Variants in FAM193A observed in about 807,000 individuals in gnomAD.
FAM193A encodes protein FAM193A.
FAM193A carries 22 observed loss-of-function variants against 126.5 expected under a neutral mutation model. The observed-to-expected ratio is 0.17, with a 90% CI of 0.12 to 0.25. The LOEUF is 0.25. Among genes scored for constraint, FAM193A ranks in the 10% least tolerant of loss-of-function variants. FAM193A has a pLI of 1.00. For missense variants in FAM193A, 1,675 were observed against 1,672.8 expected, an observed-to-expected ratio of 1.00 and a Z score of -0.02; for synonymous variants, 761 against 646.8, an observed-to-expected ratio of 1.18 and a Z score of -2.68.
At chr4:2,583,464 G>A (rs965598015) in intron 1 of FAM193A, among the ~76,000 whole-genome samples, 3 of 152,062 alleles carry the variant, frequency 2.0e-5, no homozygotes, top group Non-Finnish European at 4.4e-5. Context: ...GTTTCTGAGT[G>A]GAGATTGAGA....
At chr4:2,649,100 G>T (rs1336130712) in intron 7 of FAM193A, among the ~76,000 whole-genome samples, 14 of 152,124 alleles carry the variant, frequency 9.2e-5, no homozygotes, top group Non-Finnish European at 7.4e-5. Context: ...CTGGCCAGGT[G>T]CAGTGGCTCA....
intron 1 of FAM193A, among the ~76,000 whole-genome samples, chr4:2,576,175 C>G (rs185487444): frequency 5.9e-5 from 9 of 152,274 alleles, no homozygotes; most frequent in African/African-American, 2.2e-4. Flanking sequence ...CGGCTCACTG[C>G]AACCTCCACC....
At chr4:2,552,608 G>A (rs893672508) in intron 1 of FAM193A, among the ~76,000 whole-genome samples, 2 of 151,664 alleles carry the variant, frequency 1.3e-5, no homozygotes, top group African/African-American at 4.8e-5. Context: ...CACGATTTCT[G>A]CTCACTGCAA....
At chr4:2,662,490 C>A (rs1712575635) in intron 10 of FAM193A, among the ~76,000 whole-genome samples, 1 of 152,160 alleles carries the variant, frequency 6.6e-6, no homozygotes, top group African/African-American at 2.4e-5. Flanking sequence ...ATTGTGTTGT[C>A]TTGGGAGTAG....
chr4:2,639,881 G>T (rs1286435443), intron 6 of FAM193A, 22 bp downstream of exon 6: 1 of 1,609,866 alleles, frequency 6.2e-7, no homozygotes, highest in Non-Finnish European at 8.5e-7. Context: ...TAACCCGTAT[G>T]TGTCTTTGTG....
intron 12 of FAM193A, among the ~76,000 whole-genome samples, chr4:2,669,123 A>C: frequency 6.6e-6 from 1 of 152,148 alleles, no homozygotes; most frequent in Admixed American, 6.5e-5. Context: ...GATTACAGGC[A>C]TGAGCTACCA....
chr4:2,617,136 C>T lies in FAM193A; in HGVS notation c.502-8126C>T, dbSNP rs555095891. ...TGAGCTGAGATCGTGCCACTGCACT[C>T]GAGCCTGGGCGACAGAGCGAGACTC... On this transcript the variant is annotated intron_variant, in intron 2 of 20. Transcript: ENST00000637812. Among the ~76,000 whole-genome samples, 136 of 112,040 alleles carry T rather than the reference C, an allele frequency of 1.2e-3. 1 individual carries two copies. Among genetic ancestry groups the T allele is most frequent in the African/African-American group, 4.8e-3 (131 of 27,566 alleles). 73.5% of individuals were successfully genotyped at this position (112,040 alleles called of 152,430 possible). A position where few individuals can be genotyped will look rare whatever the true frequency, so the allele number is the denominator to read the frequency against.
intron 1 of FAM193A, among the ~76,000 whole-genome samples, chr4:2,573,475 T>C (rs936601106): frequency 6.0e-5 from 9 of 149,490 alleles, no homozygotes; most frequent in Non-Finnish European, 1.2e-4. Context: ...ATCGTGCCAC[T>C]GCATTCCAGC....
chr4:2,592,333 C>T (rs1740618202), intron 1 of FAM193A, among the ~76,000 whole-genome samples: 1 of 152,180 alleles, frequency 6.6e-6, no homozygotes, highest in East Asian at 1.9e-4. Flanking sequence ...CTTGATCTGC[C>T]TGCCTCGGCC....
At chr4:2,592,139 TG>T (rs1740602755) in intron 1 of FAM193A, among the ~76,000 whole-genome samples, 3 of 152,344 alleles carry the variant, frequency 2.0e-5, no homozygotes, top group African/African-American at 2.4e-5. Flanking sequence ...TTGCCCAGGC[TG>T]GAATGCAGTG....
Position 2,659,581 on chromosome 4 carries a change from T to A in FAM193A, c.1413T>A (p.Thr471=). The change falls in exon 9 of 21, where the codon ACT becomes ACA. Residue 471 remains threonine, a synonymous_variant. Coordinates refer to ENST00000637812, the MANE Select transcript of FAM193A (RefSeq NM_001366318.2). ...EEQLTNKKAV[T]GENNFTDTMR... ...AGTTAACCAATAAGAAAGCAGTTAC[T>A]GGCGAGAACAACTTCACAGACACCA... 6.2e-7 allele frequency: 1 copy of A among 1,614,040 alleles called. No homozygotes were observed. Among genetic ancestry groups the A allele is most frequent in the Non-Finnish European group, 8.5e-7 (1 of 1,179,904 alleles).
At chr4:2,612,125 C>T (rs1030085035) in intron 2 of FAM193A, among the ~76,000 whole-genome samples, 13 of 151,788 alleles carry the variant, frequency 8.6e-5, no homozygotes, top group East Asian at 2.0e-4. Flanking sequence ...CGTGAGCCAC[C>T]GCGCCCGGCT....
At chr4:2,538,685 G>GC (rs1737040424) in intron 1 of FAM193A, among the ~76,000 whole-genome samples, 1 of 150,716 alleles carries the variant, frequency 6.6e-6, no homozygotes, top group Non-Finnish European at 1.5e-5. Context: ...GTAGGGGAGG[G>GC]CGGGGGGGGT....
intron 7 of FAM193A, 62 bp from the exon 8 acceptor site, chr4:2,657,741 G>T: frequency 9.6e-7 from 1 of 1,038,714 alleles, no homozygotes. Context: ...AAAATGTCTT[G>T]TATAATTGTC....
At chr4:2,564,368 C>G (rs1738804618) in intron 1 of FAM193A, among the ~76,000 whole-genome samples, 1 of 151,992 alleles carries the variant, frequency 6.6e-6, no homozygotes. Flanking sequence ...CAGGTGTGAG[C>G]CACCACCCCT....
At chr4:2,626,022 C>T (rs1452527649) in intron 3 of FAM193A, among the ~76,000 whole-genome samples, 1 of 152,130 alleles carries the variant, frequency 6.6e-6, no homozygotes, top group Non-Finnish European at 1.5e-5. Context: ...CCATGCCCAG[C>T]CCAGGAGCAC....
At chr4:2,640,916 G>T (rs1256965604) in intron 6 of FAM193A, among the ~76,000 whole-genome samples, 2 of 151,644 alleles carry the variant, frequency 1.3e-5, no homozygotes, top group East Asian at 3.9e-4. Context: ...AGTGAGCCAA[G>T]AGTGCACCAC....
intron 2 of FAM193A, among the ~76,000 whole-genome samples, chr4:2,601,227 C>CTTTTTTTTTTTTTTTTTTTT (rs1201989388): frequency 6.3e-5 from 7 of 110,674 alleles, no homozygotes; most frequent in Non-Finnish European, 1.1e-4. Context: ...TCTTCTTCTT[C>CTTTTTTTTTTTTTTTTTTTT]TTTTTTTTTT....
At chr4:2,612,176 A>G (rs1400078758) in intron 2 of FAM193A, among the ~76,000 whole-genome samples, 1 of 151,408 alleles carries the variant, frequency 6.6e-6, no homozygotes, top group Non-Finnish European at 1.5e-5. Flanking sequence ...TTTGTGTTCC[A>G]TGTAAGAAAT....
Sources: gnomAD v4.1 joint callset for allele counts (sites outside exome capture counted in the v4.1 genomes callset) on GRCh38, gnomAD v4.1.1 for gene constraint, MANE v1.5 for transcripts, NCBI Gene and HGNC (gene_info 2026-07-23, HGNC 2026-07-21) for gene names.